LRRN1: variants seen among roughly 807,000 people sequenced by gnomAD.
The protein encoded by LRRN1 is leucine-rich repeat neuronal protein 1.
A neutral mutation model predicts 45.8 loss-of-function variants in LRRN1; 14 were observed. That is an observed-to-expected ratio of 0.31 (90% CI 0.20 to 0.48). The LOEUF (loss-of-function observed/expected upper bound fraction) is 0.48. Among genes scored for constraint, LRRN1 ranks in the 20% least tolerant of loss-of-function variants. The probability of loss-of-function intolerance (pLI) is 0.99; values close to 1 mark genes in which losing one functional copy is unlikely to be tolerated. For synonymous variants in LRRN1, 359 were observed against 330.1 expected, an observed-to-expected ratio of 1.09 and a Z score of -0.95; for missense variants, 789 against 874.2, an observed-to-expected ratio of 0.90 and a Z score of 1.23.
At chr3:3,801,204 G>A (rs1031440056) in intron 1 of LRRN1, 1 of 152,266 alleles carries the variant, frequency 6.6e-6, no homozygotes, top group African/African-American at 2.4e-5. Flanking sequence ...TGAAGCACTT[G>A]AAGCTCACAG....
At position 3,849,795 on chromosome 3, in the gene LRRN1, A is replaced by G. The variant is rs1693859946; in HGVS notation, c.*3003A>G. 6.6e-6 allele frequency among the ~76,000 whole-genome samples: 1 copy of G among 151,998 alleles called. No individual in the cohort carries two copies. Among genetic ancestry groups the G allele is most frequent in the Non-Finnish European group, 1.5e-5 (1 of 67,988 alleles). ...GATTTGGCAAAAAGGAATCATCTCT[A>G]TTTTTTTGCAAACAATATCAAAGTG... On this transcript the variant is annotated 3_prime_UTR_variant, in exon 2 of 2. Transcript: ENST00000319331.
chr3:3,824,430 A>G (rs1395345909), intron 1 of LRRN1, among the ~76,000 whole-genome samples: 2 of 152,156 alleles, frequency 1.3e-5, no homozygotes, highest in East Asian at 3.9e-4. Flanking sequence ...CACATTTTAC[A>G]ACTTATACAT....
intron 1 of LRRN1, among the ~76,000 whole-genome samples, chr3:3,842,344 A>G (rs1047110387): frequency 6.6e-6 from 1 of 151,838 alleles, no homozygotes; most frequent in East Asian, 1.9e-4. Context: ...GTATCAGGCA[A>G]CACACTTATA....
chr3:3,842,168 A>G lies in LRRN1; in HGVS notation c.-278-2196A>G, dbSNP rs185874858. 5.9e-5 allele frequency among the ~76,000 whole-genome samples: 9 copies of G among 152,284 alleles called. No individual in the cohort carries two copies. The East Asian group carries it at 1.7e-3, about 29-fold the overall frequency. ...ATAGTAAAAATATGGTACTATTAATACAACTGTATGGGACTACCATTGTAT... is the reference window on the plus strand; with the variant it reads ...ATAGTAAAAATATGGTACTATTAATGCAACTGTATGGGACTACCATTGTAT... On this transcript the variant is annotated intron_variant, in intron 1 of 1. Transcript: ENST00000319331.
At chr3:3,839,634 T>C (rs915299166) in intron 1 of LRRN1, among the ~76,000 whole-genome samples, 2 of 152,176 alleles carry the variant, frequency 1.3e-5, no homozygotes, top group Non-Finnish European at 2.9e-5. Context: ...CATCATTGTG[T>C]TTATATCATC....
chr3:3,815,096 C>A (rs962345099), intron 1 of LRRN1, among the ~76,000 whole-genome samples: 18 of 152,252 alleles, frequency 1.2e-4, no homozygotes, highest in African/African-American at 4.1e-4. Flanking sequence ...AACCATCCTA[C>A]CTTCCTGTCT....
intron 1 of LRRN1, among the ~76,000 whole-genome samples, chr3:3,822,484 T>C (rs1693124628): frequency 6.6e-6 from 1 of 152,220 alleles, no homozygotes; most frequent in South Asian, 2.1e-4. Context: ...TTTTGGTAGA[T>C]GCCTATCTCT....
chr3:3,825,469 G>T (rs1693196636), intron 1 of LRRN1, among the ~76,000 whole-genome samples: 2 of 152,096 alleles, frequency 1.3e-5, no homozygotes, highest in African/African-American at 4.8e-5. Context: ...TATCACCAGA[G>T]AATTTTTGTC....
chr3:3,832,483 C>T (rs1448238646), intron 1 of LRRN1, among the ~76,000 whole-genome samples: 1 of 152,198 alleles, frequency 6.6e-6, no homozygotes, highest in African/African-American at 2.4e-5. Context: ...CCTGCTTTAA[C>T]TGGAGGACCA....
Position 3,845,850 on chromosome 3 carries a change from C to A in LRRN1, c.1209C>A (p.Pro403=), listed in dbSNP as rs113247781. The stretch of plus-strand genomic sequence containing the variant: ...TGTCCATGTTCTGTGCCATGCCGCC[C>A]GAATATAAAGGGCACCAGGTGAAGG... The part of the protein sequence containing the change: ...EPLSMFCAMP[P]EYKGHQVKEV... The change falls in exon 2 of 2, where the codon CCC becomes CCA. Residue 403 remains proline, a synonymous_variant. Transcript: ENST00000319331. This position sits in a 1 kb window ranked among gnomAD's most constrained non-coding sequence, Gnocchi z 6.5. 6.2e-7 allele frequency: 1 copy of A among 1,614,034 alleles called. No individual in the cohort carries two copies. Among genetic ancestry groups the A allele is most frequent in the Non-Finnish European group, 8.5e-7 (1 of 1,180,008 alleles).
intron 1 of LRRN1, among the ~76,000 whole-genome samples, chr3:3,835,584 A>ATT (rs59300921): frequency 0.057 from 7,715 of 135,182 alleles, 394 homozygotes; most frequent in East Asian, 0.13. Flanking sequence ...GAGCTGCCTG[A>ATT]TTTTTTTTTT....
At chr3:3,830,339 C>T (rs1403429342) in intron 1 of LRRN1, among the ~76,000 whole-genome samples, 1 of 152,218 alleles carries the variant, frequency 6.6e-6, no homozygotes, top group African/African-American at 2.4e-5. Flanking sequence ...TCCAGCCAAA[C>T]CATTGGCTAC....
intron 1 of LRRN1, among the ~76,000 whole-genome samples, chr3:3,811,743 A>G (rs1412442491): frequency 6.6e-6 from 1 of 152,214 alleles, no homozygotes; most frequent in African/African-American, 2.4e-5. Flanking sequence ...ATCAAGTGCT[A>G]TTAGAAAGGT....
intron 1 of LRRN1, among the ~76,000 whole-genome samples, chr3:3,834,525 GAT>G (rs71040093): frequency 0.019 from 510 of 27,318 alleles, 50 homozygotes; most frequent in Middle Eastern, 0.053. Context: ...GACAGAACAG[GAT>G]ATATATATAT....
At chr3:3,828,132 T>A (rs1013429122) in intron 1 of LRRN1, among the ~76,000 whole-genome samples, 2 of 145,326 alleles carry the variant, frequency 1.4e-5, no homozygotes, top group Admixed American at 6.9e-5. Flanking sequence ...AGGGACAGAA[T>A]TATATATATA....
chr3:3,818,771 T>TTAAAA (rs1285305349), intron 1 of LRRN1, among the ~76,000 whole-genome samples: 1 of 152,156 alleles, frequency 6.6e-6, no homozygotes, highest in Non-Finnish European at 1.5e-5. Context: ...TCATAGAGCT[T>TTAAAA]ACCACAGCTT....
At chr3:3,815,659 A>G (rs1692972301) in intron 1 of LRRN1, among the ~76,000 whole-genome samples, 1 of 152,232 alleles carries the variant, frequency 6.6e-6, no homozygotes, top group South Asian at 2.1e-4. Context: ...CCAATAAAAT[A>G]ATTCTCATTT....
At chr3:3,806,918 T>C (rs1342278601) in intron 1 of LRRN1, among the ~76,000 whole-genome samples, 1 of 152,120 alleles carries the variant, frequency 6.6e-6, no homozygotes, top group African/African-American at 2.4e-5. Flanking sequence ...TTGTCTAGGG[T>C]CACCCATCTA....
chr3:3,839,982 A>G (rs144637535), intron 1 of LRRN1, among the ~76,000 whole-genome samples: 173 of 152,060 alleles, frequency 1.1e-3, no homozygotes, highest in African/African-American at 3.7e-3. Context: ...TTTCTTGTCT[A>G]ATTGCTGTGA....
Sources: allele counts gnomAD v4.1 joint callset (sites outside exome capture counted in the v4.1 genomes callset), GRCh38; gene constraint gnomAD v4.1.1; non-coding constraint Gnocchi (gnomAD v3.1); transcripts MANE v1.5; gene names NCBI Gene and HGNC (gene_info 2026-07-23, HGNC 2026-07-21).